The following SYVN1 variants were observed in gnomAD, a reference collection of about 807,000 sequenced individuals.
SYVN1 encodes the protein E3 ubiquitin-protein ligase synoviolin.
A neutral mutation model predicts 62.6 loss-of-function variants in SYVN1; 17 were observed. That is an observed-to-expected ratio of 0.27 (90% confidence interval 0.19 to 0.41). The LOEUF is 0.41. Among genes scored for constraint, SYVN1 ranks in the 10% least tolerant of loss-of-function variants. SYVN1 has a pLI of 1.00. For synonymous variants in SYVN1, 316 were observed against 304.0 expected (o/e 1.04, Z -0.41); for missense variants, 634 against 818.0 (o/e 0.78, Z 2.74).
chr11:65,128,874 CAG>C (rs1407192997), intron 14 of SYVN1, 160 bp from the exon 15 acceptor site: 2 of 758,924 alleles, frequency 2.6e-6, no homozygotes, highest in East Asian at 2.7e-5. Context: ...TGAACTCAGA[CAG>C]GGTGACTGGA....
intron 2 of SYVN1, 26 bp downstream of exon 2, chr11:65,133,444 C>T (rs1312627450): frequency 1.9e-6 from 3 of 1,610,040 alleles, no homozygotes. Flanking sequence ...CCAGGGAGTT[C>T]CTCCCTCCCT....
At position 65,133,451 on chromosome 11, in the gene SYVN1, C is replaced by T. The variant is rs370134649; in HGVS notation, c.132+19G>A. On this transcript the variant is annotated intron_variant, in intron 2 of 15. Transcript: ENST00000377190. ...CTTCCCTCCCAGGGAGTTCCTCCCT[C>T]CCTGAGCCCTGAACTCACTGCCATG... 294 of 1,612,138 alleles carry T rather than the reference C, an allele frequency of 1.8e-4. No homozygotes were observed. Among genetic ancestry groups the T allele is most frequent in the Non-Finnish European group, 2.5e-4 (291 of 1,178,934 alleles).
At position 65,128,504 on chromosome 11, in the gene SYVN1, C is replaced by A; in HGVS notation, c.1748-16G>T. The A allele has an allele frequency of 6.2e-7, 1 of 1,613,354 alleles. No homozygotes were observed. Among genetic ancestry groups the A allele is most frequent in the Non-Finnish European group, 8.5e-7 (1 of 1,179,490 alleles). The stretch of plus-strand genomic sequence containing the variant: ...GACTCAGGAGCTGGGGACAGAGAGA[C>A]TGGAAGTGGAACCTAGAGAAGTTCC... On this transcript the variant is annotated splice_polypyrimidine_tract_variant and intron_variant, in intron 15 of 15. Transcript: ENST00000377190.
rs751953077 is a variant in SYVN1, at chr11:65,128,387, G to A, written c.1849C>T (p.His617Tyr). The change falls in exon 16 of 16, where the codon CAC becomes TAC. Residue 617 changes from histidine (H) to tyrosine (Y), a missense_variant. By Grantham distance (83) the His-to-Tyr change is moderately conservative. Coordinates refer to ENST00000377190, the MANE Select transcript of SYVN1 (RefSeq NM_172230.3). Reference sequence around the variant, plus strand: ...GGGGCTGGGCTGGGGCAGTGTCAGTGGGCAACAGGAGACTCCAGCTTCTGC... The same window carrying A: ...GGGGCTGGGCTGGGGCAGTGTCAGTAGGCAACAGGAGACTCCAGCTTCTGC... ...RLQKLESPVA[H>Y] 11 of 1,612,184 alleles carry A rather than the reference G, an allele frequency of 6.8e-6. No individual in the cohort carries two copies. The highest frequency in any genetic ancestry group is 2.7e-5 in the African/African-American group (2 of 75,012).
intron 12 of SYVN1, 34 bp from the exon 13 acceptor site, chr11:65,130,209 A>G (rs766787077): frequency 1.1e-5 from 17 of 1,609,486 alleles, no homozygotes; most frequent in Non-Finnish European, 1.4e-5. Flanking sequence ...TGAGTGTTCC[A>G]TCCCTGCCGC....
rs1565341826 is a variant in SYVN1 at position 65,128,397 on chromosome 11, A to AG, written c.1838dup (p.Pro614SerfsTer40). On this transcript the variant is annotated frameshift_variant, in exon 16 of 16. Coordinates refer to ENST00000377190, the MANE Select transcript of SYVN1 (RefSeq NM_172230.3). LOFTEE classifies it high-confidence loss of function. ...TGGGGCAGTGTCAGTGGGCAACAGG[A>AG]GACTCCAGCTTCTGCAGGCGGCGCC... The AG allele has an allele frequency of 6.2e-7, 1 of 1,613,272 alleles. No individual in the cohort carries two copies. Among genetic ancestry groups the AG allele is most frequent in the Non-Finnish European group, 8.5e-7 (1 of 1,179,832 alleles).
At position 65,133,034 on chromosome 11, in the gene SYVN1, C is replaced by G. The variant is rs961629793; in HGVS notation, c.266G>C (p.Cys89Ser). Residue 89 changes from cysteine to serine, a missense_variant, in exon 4 of 16, where the codon TGT becomes TCT. Cys to Ser is a moderately radical substitution (Grantham distance 112, BLOSUM62 -1). This residue lies in a region of SYVN1 where 283 missense variants were observed against 444.7 expected (regional missense o/e 0.64). Transcript: ENST00000377190. ...ATCCCGAAAAACGGTGAAGGCCAGACAAGTCTCTGTGACGGCGTACCAGGA... is the reference window on the plus strand; with the variant it reads ...ATCCCGAAAAACGGTGAAGGCCAGAGAAGTCTCTGTGACGGCGTACCAGGA... ...ERSWYAVTETCLAFTVFRDDF... is the reference protein window; with the variant it reads ...ERSWYAVTETSLAFTVFRDDF... The G allele has an allele frequency of 6.2e-7, 1 of 1,614,218 alleles. No homozygotes were observed. Among genetic ancestry groups the G allele is most frequent in the Non-Finnish European group, 8.5e-7 (1 of 1,180,044 alleles).
chr11:65,128,539 C>G, intron 15 of SYVN1, 24 bp downstream of exon 15: 1 of 1,613,248 alleles, frequency 6.2e-7, no homozygotes, highest in Non-Finnish European at 8.5e-7. Flanking sequence ...CCTGCTCCCC[C>G]GGCTGGAGGC....
Position 65,129,774 on chromosome 11 carries a change from G to A in SYVN1, c.1550C>T (p.Ala517Val), listed in dbSNP as rs1277806723. Residue 517 changes from alanine to valine, a missense_variant, in exon 14 of 16, where the codon GCC becomes GTC. Transcript: ENST00000377190. ...GAGGTACTGGTTGATCTGCAGCATG[G>A]CGGCGTCCAGCAGTGTGTGGATGTT... is the stretch of plus-strand genomic sequence containing the variant. ...LRNIHTLLDA[A>V]MLQINQYLTV... 1.2e-6 allele frequency: 2 copies of A among 1,614,256 alleles called. No individual in the cohort carries two copies. The highest frequency in any genetic ancestry group is 1.7e-6 in the Non-Finnish European group (2 of 1,180,044).
intron 14 of SYVN1, 120 bp from the exon 15 acceptor site, chr11:65,128,834 T>A: frequency 9.1e-7 from 1 of 1,099,936 alleles, no homozygotes; most frequent in South Asian, 1.7e-5. Context: ...GTGGCCCCAG[T>A]GCCTGGCAAA....
chr11:65,132,040 C>T (rs554265471), intron 6 of SYVN1, among the ~76,000 whole-genome samples: 3 of 152,214 alleles, frequency 2.0e-5, no homozygotes, highest in South Asian at 4.1e-4. Flanking sequence ...CAGGTTGGGG[C>T]TCCTCCTCTG....
intron 14 of SYVN1, chr11:65,128,961 C>G (rs1014894268): frequency 1.9e-6 from 1 of 518,954 alleles, no homozygotes. Flanking sequence ...TTCACTCTTA[C>G]CCTGCAGTCT....
In SYVN1 at chr11:65,133,205, C is replaced by T; in HGVS notation, c.180G>A (p.Val60=). Residue 60 remains valine (V), a synonymous_variant, in exon 3 of 16, where the codon GTG becomes GTA. Coordinates refer to ENST00000377190, the MANE Select transcript of SYVN1 (RefSeq NM_172230.3). ...AFVLVFLLGK[V]MGKVFFGQLR... The stretch of plus-strand genomic sequence containing the variant: ...GTTGCCCAAAGAACACCTTGCCCAT[C>T]ACCTTGCCCAGAAGGAAGACAAGGA... 1 of 1,614,212 alleles carries T rather than the reference C, an allele frequency of 6.2e-7. No homozygotes were observed. Among genetic ancestry groups the T allele is most frequent in the Non-Finnish European group, 8.5e-7 (1 of 1,180,040 alleles).
In SYVN1 at chr11:65,127,396, C is replaced by T. The variant is rs573233035; in HGVS notation, c.*986G>A. 7.2e-5 allele frequency: 16 copies of T among 223,238 alleles called. No homozygotes were observed. Among genetic ancestry groups the T allele is most frequent in the African/African-American group, 3.4e-4 (15 of 43,848 alleles). 13.8% of individuals were successfully genotyped at this position (223,238 alleles called of 1,614,324 possible). On this transcript the variant is annotated 3_prime_UTR_variant, in exon 16 of 16. Coordinates refer to ENST00000377190, the MANE Select transcript of SYVN1 (RefSeq NM_172230.3). ...CTCCAACAACTCTTGTAACACAAAACCAAGGGGAAAAGACAGGGGCAGGCA... is the reference window on the plus strand; with the variant it reads ...CTCCAACAACTCTTGTAACACAAAATCAAGGGGAAAAGACAGGGGCAGGCA...
Position 65,128,247 on chromosome 11 carries a change from G to C in SYVN1, c.*135C>G, listed in dbSNP as rs1215096513. 4 of 731,606 alleles carry C rather than the reference G, an allele frequency of 5.5e-6. No homozygotes were observed. In the East Asian group the frequency reaches 8.1e-5, roughly 15 times the overall value. The allele number at this position is 731,606 out of a possible 1,614,324, so 45.3% of individuals were successfully genotyped here. A position where few individuals can be genotyped will look rare whatever the true frequency, so the allele number is the denominator to read the frequency against. On this transcript the variant is annotated 3_prime_UTR_variant, in exon 16 of 16. Coordinates refer to ENST00000377190, the MANE Select transcript of SYVN1 (RefSeq NM_172230.3). The stretch of plus-strand genomic sequence containing the variant: ...CCAGCCTCTTTCCACTTGGCCTAGG[G>C]GATGCCGCCTCTTTCTCAGAGCTGG...
chr11:65,131,755 T>A (rs1948183539), intron 6 of SYVN1, among the ~76,000 whole-genome samples, 159 bp from the exon 7 acceptor site: 2 of 152,164 alleles, frequency 1.3e-5, no homozygotes, highest in South Asian at 4.1e-4. Flanking sequence ...TAGCTGTGAC[T>A]TTTGGCAACT....
rs185608576 is a variant in SYVN1, at chr11:65,128,007, T to C, written c.*375A>G. 6 of 318,482 alleles carry C rather than the reference T, an allele frequency of 1.9e-5. No individual in the cohort carries two copies. The Admixed American group carries it at 2.8e-4, about 15-fold the overall frequency. The allele number at this position is 318,482 out of a possible 1,614,324, so 19.7% of individuals were successfully genotyped here. ...CACACTTGGGAACGGGAGCTAATAC[T>C]GTTCGGCACTGCAGTGTGACTCCGC... On this transcript the variant is annotated 3_prime_UTR_variant, in exon 16 of 16. Transcript: ENST00000377190.
chr11:65,129,825 AGGT>A lies in SYVN1; in HGVS notation c.1496_1498del (p.His499del). 1 of 1,614,194 alleles carries A rather than the reference AGGT, an allele frequency of 6.2e-7. No homozygotes were observed. The highest frequency in any genetic ancestry group is 8.5e-7 in the Non-Finnish European group (1 of 1,180,034). Reference sequence around the variant, plus strand: ...ACGCAGGCTCTGCAGCCGGGCCTCCAGGTGCTGCCGCTCATGGCCCTCCAGAGC... The same window carrying A: ...ACGCAGGCTCTGCAGCCGGGCCTCCAGCTGCCGCTCATGGCCCTCCAGAGC... On this transcript the variant is annotated inframe_deletion, in exon 14 of 16. Transcript: ENST00000377190.
In SYVN1 at chr11:65,130,165, A is replaced by C; in HGVS notation, c.1245T>G (p.Ser415=). ...TGGTTGTAGCTGCTCCACTGGGCCG[A>C]GAAAGGGCTGCTGAAGAGCAGGAAC... The part of the protein sequence containing the change: ...APPSTSAAAL[S]RPSGAATTTA... The change falls in exon 13 of 16, where the codon TCT becomes TCG. Residue 415 remains serine (S), a synonymous_variant. Coordinates refer to ENST00000377190, the MANE Select transcript of SYVN1 (RefSeq NM_172230.3). The C allele has an allele frequency of 6.2e-7, 1 of 1,605,506 alleles. No individual in the cohort carries two copies. Among genetic ancestry groups the C allele is most frequent in the Non-Finnish European group, 8.5e-7 (1 of 1,175,378 alleles).
Sources: allele counts gnomAD v4.1 joint callset (sites outside exome capture counted in the v4.1 genomes callset), GRCh38; gene constraint gnomAD v4.1.1; regional missense constraint gnomAD v4.1.1; transcripts MANE v1.5; gene names NCBI Gene and HGNC (gene_info 2026-07-23, HGNC 2026-07-21).